MYO1C: variants seen among roughly 807,000 people sequenced by gnomAD.
MYO1C encodes the protein unconventional myosin-Ic.
A neutral mutation model predicts 150.8 loss-of-function variants in MYO1C; 104 were observed. The observed-to-expected ratio is 0.69, with a 90% CI of 0.59 to 0.81. The LOEUF (loss-of-function observed/expected upper bound fraction) is 0.81, where lower values mean the gene tolerates loss of function less well. Among genes scored for constraint, MYO1C ranks in the 30% least tolerant of loss-of-function variants. The probability of loss-of-function intolerance (pLI) is 0.00; values close to 1 mark genes in which losing one functional copy is unlikely to be tolerated. For synonymous variants in MYO1C, 663 were observed against 579.9 expected (o/e 1.14, Z -2.06); for missense variants, 1,504 against 1,435.0 (o/e 1.05, Z -0.78).
rs543610998 is a variant in MYO1C at position 1,473,500 on chromosome 17, G to A, written c.1797+1110C>T. Among the ~76,000 whole-genome samples the A allele has an allele frequency of 8.5e-5, 13 of 152,288 alleles. No individual in the cohort carries two copies. In the East Asian group the frequency reaches 1.9e-3, roughly 23 times the overall value. Reference sequence around the variant, plus strand: ...CGGCAGCAGCGGGCAGGGGCACAGTGAGCCACACCCTGGGCAGCATGTCGC... The same window carrying A: ...CGGCAGCAGCGGGCAGGGGCACAGTAAGCCACACCCTGGGCAGCATGTCGC... On this transcript the variant is annotated intron_variant, in intron 17 of 31. Coordinates refer to ENST00000648651, the MANE Select transcript of MYO1C (RefSeq NM_001080779.2).
intron 14 of MYO1C, among the ~76,000 whole-genome samples, chr17:1,475,860 A>T (rs1208539015): frequency 6.6e-6 from 1 of 152,190 alleles, no homozygotes; most frequent in Non-Finnish European, 1.5e-5. Flanking sequence ...TCTGTGGGTC[A>T]GAACCGCTCC....
chr17:1,475,025 G>T lies in MYO1C; in HGVS notation c.1582C>A (p.Leu528Met). ...GATTTCCTGGTCCGCTGGTCAGCCA[G>T]CTTGTGCCTGGGGGTGACAGGGAGG... The part of the protein sequence containing the change: ...KHHPHFLTHK[L>M]ADQRTRKSLG... The change falls in exon 15 of 32, where the codon CTG becomes ATG. Residue 528 changes from leucine (L) to methionine (M), a missense_variant. Leu to Met is a conservative substitution (Grantham distance 15). Coordinates refer to ENST00000648651, the MANE Select transcript of MYO1C (RefSeq NM_001080779.2). The T allele has an allele frequency of 6.4e-7, 1 of 1,551,762 alleles. No individual in the cohort carries two copies. The highest frequency in any genetic ancestry group is 8.7e-7 in the Non-Finnish European group (1 of 1,147,240).
chr17:1,469,733 C>G (rs543424903), intron 24 of MYO1C, 119 bp from the exon 25 acceptor site: 3 of 888,892 alleles, frequency 3.4e-6, no homozygotes, highest in African/African-American at 1.7e-5. Context: ...GGAGACGCTT[C>G]CGGTCAAGAG....
chr17:1,472,030 G>T lies in MYO1C; in HGVS notation c.1904-6C>A. 1 of 1,613,918 alleles carries T rather than the reference G, an allele frequency of 6.2e-7. No individual in the cohort carries two copies. The highest frequency in any genetic ancestry group is 8.5e-7 in the Non-Finnish European group (1 of 1,179,900). The stretch of plus-strand genomic sequence containing the variant: ...CAGCACCTCGTCAAAGCGGCCTGGG[G>T]TAGGGGGAGCGCCGTGGTCAGCGGG... On this transcript the variant is annotated splice_polypyrimidine_tract_variant and splice_region_variant and intron_variant, in intron 18 of 31. Transcript: ENST00000648651.
Position 1,479,544 on chromosome 17 carries a change from GCCCCC to G in MYO1C, c.1020+43_1021-43del. ...AGGACACGGTGAGGGTGCACCCCCA[GCCCCC>G]GCCCCCGCCGTCCTCCCGTCGCCCT... On this transcript the variant is annotated intron_variant, in intron 8 of 31. Transcript: ENST00000648651. The surrounding 1 kb of genome is among the most constrained non-coding windows in gnomAD (Gnocchi z 4.2). 1 of 1,175,168 alleles carries G rather than the reference GCCCCC, an allele frequency of 8.5e-7. No individual in the cohort carries two copies. Among genetic ancestry groups the G allele is most frequent in the Non-Finnish European group, 1.2e-6 (1 of 804,192 alleles). The allele number at this position is 1,175,168 out of a possible 1,614,324, so 72.8% of individuals were successfully genotyped here.
At chr17:1,485,851 G>A in intron 1 of MYO1C, 2 of 353,578 alleles carry the variant, frequency 5.7e-6, no homozygotes, top group Non-Finnish European at 8.0e-6. Context: ...GGGCTTCCCC[G>A]GCCTCCCCCG....
At chr17:1,474,756 G>A in intron 16 of MYO1C, 56 bp downstream of exon 16, 3 of 1,611,746 alleles carry the variant, frequency 1.9e-6, no homozygotes, top group Non-Finnish European at 2.5e-6. Context: ...CTGGACACAG[G>A]TGCAGAGCTG....
intron 5 of MYO1C, 183 bp from the exon 6 acceptor site, chr17:1,481,068 AT>A (rs1317923137): frequency 3.2e-6 from 2 of 628,576 alleles, no homozygotes; most frequent in African/African-American, 3.7e-5. Context: ...CATCTAGGAA[AT>A]GGGGAGATTC....
In MYO1C at chr17:1,471,131, G is replaced by A. The variant is rs765449530; in HGVS notation, c.2152C>T (p.Arg718Cys). The A allele has an allele frequency of 3.1e-6, 5 of 1,614,106 alleles. 1 individual carries two copies. The highest frequency in any genetic ancestry group is 3.3e-4 in the Middle Eastern group (2 of 6,060). ...YKMGRTKIFI[R>C]FPKTLFATED... is the part of the protein sequence containing the mutation. ...GTGGCAAACAGGGTCTTGGGGAAGC[G>A]GATGAAGATCTTGGTCCTGGGAGAG... Residue 718 changes from arginine to cysteine, a missense_variant, in exon 21 of 32, where the codon CGC (arginine) becomes TGC (cysteine). Arg to Cys is a radical substitution (Grantham distance 180). Coordinates refer to ENST00000648651, the MANE Select transcript of MYO1C (RefSeq NM_001080779.2).
At chr17:1,484,872 T>TTCCCCCCCCCCCCCCCCCCCC in intron 1 of MYO1C, 1 of 341,198 alleles carries the variant, frequency 2.9e-6, no homozygotes, top group Non-Finnish European at 5.6e-6. Flanking sequence ...GGGCCGTCTC[T>TTCCCCCCCCCCCCCCCCCCCC]CCCACCCAGA....
intron 24 of MYO1C, 145 bp from the exon 25 acceptor site, chr17:1,469,759 G>A: frequency 1.3e-6 from 1 of 776,694 alleles, no homozygotes. Context: ...ACTCGGCAGG[G>A]CGCGGTGGCT....
chr17:1,468,015 G>C lies in MYO1C; in HGVS notation c.2869C>G (p.Gln957Glu). 1 of 1,612,802 alleles carries C rather than the reference G, an allele frequency of 6.2e-7. No homozygotes were observed. Among genetic ancestry groups the C allele is most frequent in the Non-Finnish European group, 8.5e-7 (1 of 1,179,824 alleles). Residue 957 changes from glutamine (Q) to glutamate (E), a missense_variant, in exon 28 of 32, where the codon CAG becomes GAG. By Grantham distance (29) the Gln-to-Glu change is conservative (BLOSUM62 2). Transcript: ENST00000648651. Reference sequence around the variant, plus strand: ...GTCAGGTTGGCGTAATCAATCCTCTGCTTGACTTTGGCGTCCTCCACGATG... The same window carrying C: ...GTCAGGTTGGCGTAATCAATCCTCTCCTTGACTTTGGCGTCCTCCACGATG... ...VVIVEDAKVKQRIDYANLTGI... is the reference protein window; with the variant it reads ...VVIVEDAKVKERIDYANLTGI...
chr17:1,466,275 C>G (rs8069650), intron 31 of MYO1C, among the ~76,000 whole-genome samples: 17,075 of 149,810 alleles, frequency 0.11, 1,062 homozygotes, highest in African/African-American at 0.17. Context: ...ATCCTCTCAT[C>G]TCAGGCTTCT....
In MYO1C at chr17:1,478,356, A is replaced by G; in HGVS notation, c.1295+54T>C. ...GGAATGAGAGGCTGGAGGACAGAAG[A>G]GAGGGAGCAGGACAGGAGACCGGGA... On this transcript the variant is annotated intron_variant, in intron 11 of 31. Coordinates refer to ENST00000648651, the MANE Select transcript of MYO1C (RefSeq NM_001080779.2). This position sits in a 1 kb window ranked among gnomAD's most constrained non-coding sequence, Gnocchi z 6.3. 2.5e-6 allele frequency: 4 copies of G among 1,605,364 alleles called. No homozygotes were observed. In the East Asian group the frequency reaches 8.9e-5, roughly 36 times the overall value.
chr17:1,472,570 C>T (rs2074326625), intron 17 of MYO1C, among the ~76,000 whole-genome samples: 1 of 152,236 alleles, frequency 6.6e-6, no homozygotes, highest in Admixed American at 6.5e-5. Flanking sequence ...TCCCATGCTA[C>T]GCATTCAGCT....
chr17:1,467,354 G>A lies in MYO1C; in HGVS notation c.3066-13C>T, dbSNP rs1482649556. The A allele has an allele frequency of 5.6e-6, 9 of 1,608,372 alleles. No homozygotes were observed. The highest frequency in any genetic ancestry group is 6.8e-6 in the Non-Finnish European group (8 of 1,177,462). On this transcript the variant is annotated splice_polypyrimidine_tract_variant and intron_variant, in intron 30 of 31. Transcript: ENST00000648651. ...TGCAAACGTGATGCTGGGGGAACGG[G>A]GTGGGTGAGGGTTTTTCCATGGAGG...
At chr17:1,473,137 T>G (rs1365516525) in intron 17 of MYO1C, among the ~76,000 whole-genome samples, 1 of 151,300 alleles carries the variant, frequency 6.6e-6, no homozygotes, top group Non-Finnish European at 1.5e-5. Flanking sequence ...GAGGCAGAGG[T>G]TGCAGTGAGC....
At chr17:1,468,356 C>A in intron 26 of MYO1C, 47 bp downstream of exon 26, 1 of 1,613,580 alleles carries the variant, frequency 6.2e-7, no homozygotes, top group Non-Finnish European at 8.5e-7. Flanking sequence ...CAATGGGGGA[C>A]CAGGATGGTG....
chr17:1,467,875 C>T lies in MYO1C; in HGVS notation c.2932G>A (p.Val978Met). 6.2e-7 allele frequency: 1 copy of T among 1,610,244 alleles called. No individual in the cohort carries two copies. The highest frequency in any genetic ancestry group is 8.5e-7 in the Non-Finnish European group (1 of 1,179,340). Residue 978 changes from valine (V) to methionine (M), a missense_variant, in exon 29 of 32, where the codon GTG (valine) becomes ATG (methionine). By Grantham distance (21) the Val-to-Met change is conservative. Coordinates refer to ENST00000648651, the MANE Select transcript of MYO1C (RefSeq NM_001080779.2). ...SVSSLSDSLF[V>M]LHVQRADNKQ... ...TTGTCCGCACGCTGTACATGAAGCA[C>T]AAAAAGACTGTCGCTCAGGCTGCTG...
Sources: gnomAD v4.1 joint callset for allele counts (sites outside exome capture counted in the v4.1 genomes callset) on GRCh38, gnomAD v4.1.1 for gene constraint, Gnocchi (gnomAD v3.1) non-coding constraint, MANE v1.5 for transcripts, NCBI Gene and HGNC (gene_info 2026-07-23, HGNC 2026-07-21) for gene names.